Variants in INTS13 observed in about 807,000 individuals in gnomAD.
INTS13 encodes the protein asunder, spermatogenesis regulator homolog (Drosphila).
INTS13 carries 35 observed loss-of-function variants against 90.2 expected under a neutral mutation model. The ratio of observed to expected loss-of-function variants is 0.39; its 90% CI spans 0.30 to 0.51. The LOEUF is 0.51. Ranked by LOEUF, INTS13 falls within the 20% of genes least tolerant of loss-of-function variation. The pLI is 0.80. For missense variants in INTS13, 601 were observed against 851.2 expected, an observed-to-expected ratio of 0.71 and a Z score of 3.66; for synonymous variants, 309 against 277.1, an observed-to-expected ratio of 1.11 and a Z score of -1.14.
chr12:26,906,418 G>A lies in INTS13; in HGVS notation c.1965C>T (p.Ser655=), dbSNP rs1169166437. 2 of 1,609,902 alleles carry A rather than the reference G, an allele frequency of 1.2e-6. No homozygotes were observed. Among genetic ancestry groups the A allele is most frequent in the East Asian group, 2.2e-5 (1 of 44,728 alleles). The part of the protein sequence containing the change: ...EKSKGPVSLL[S]LWSNRINTAN... ...CAGTATTGATTCTATTACTCCACAA[G>A]GATAATAACGACACTGGCCCTAGTG... The change falls in exon 16 of 17, where the codon TCC becomes TCT. Residue 655 remains serine, a synonymous_variant. Coordinates refer to ENST00000261191, the MANE Select transcript of INTS13 (RefSeq NM_018164.3).
In INTS13 at chr12:26,926,317, GAAAGA is replaced by G. The variant is rs1937871960; in HGVS notation, c.585-471_585-467del. 3.3e-5 allele frequency among the ~76,000 whole-genome samples: 5 copies of G among 152,254 alleles called. No individual in the cohort carries two copies. In the South Asian group the frequency reaches 1.0e-3, roughly 32 times the overall value. On this transcript the variant is annotated intron_variant, in intron 5 of 16. Transcript: ENST00000261191. ...AAATTTCCAGACCCACAGGAAAGTTGAAAGAAAAGTACTATTCAATGAACAACGTA... is the reference window on the plus strand; with the variant it reads ...AAATTTCCAGACCCACAGGAAAGTTGAAAGTACTATTCAATGAACAACGTA...
rs778120076 is a variant in INTS13, at chr12:26,936,606, C to T, written c.198G>A (p.Met66Ile). The change falls in exon 2 of 17, where the codon ATG (methionine) becomes ATA (isoleucine). Residue 66 changes from methionine (M) to isoleucine (I), a missense_variant. Around this residue, in one of 3 missense-constraint regions of INTS13, gnomAD observed 284 missense variants for 387.7 expected, o/e 0.73. Coordinates refer to ENST00000261191, the MANE Select transcript of INTS13 (RefSeq NM_018164.3). ...VESSMEYCRI[M>I]YDIFPFKKLV... is the part of the protein sequence containing the mutation. Reference sequence around the variant, plus strand: ...GCTTTTTGAAAGGAAATATATCATACATTATTCTACAATATTCCATGGAAG... The same window carrying T: ...GCTTTTTGAAAGGAAATATATCATATATTATTCTACAATATTCCATGGAAG... 6.8e-6 allele frequency: 11 copies of T among 1,611,668 alleles called. No homozygotes were observed. The highest frequency in any genetic ancestry group is 1.7e-4 in the Middle Eastern group (1 of 6,058).
In INTS13 at chr12:26,925,871, C is replaced by T. The variant is rs776329794; in HGVS notation, c.585-20G>A. On this transcript the variant is annotated intron_variant, in intron 5 of 16. Transcript: ENST00000261191. Reference sequence around the variant, plus strand: ...ATGAGACTTAAAGAGAAATTTTTGACTTAAAATTTAAGAATACATAGTATG... The same window carrying T: ...ATGAGACTTAAAGAGAAATTTTTGATTTAAAATTTAAGAATACATAGTATG... The T allele has an allele frequency of 6.3e-7, 1 of 1,576,174 alleles. No homozygotes were observed. The highest frequency in any genetic ancestry group is 1.1e-5 in the South Asian group (1 of 89,664).
rs374722209 is a variant in INTS13 at position 26,928,554 on chromosome 12, CAAAAAAA to C, written c.503+142_503+148del. ...GGAACACAGCCTCAATATTAAAAGGCAAAAAAAAAAAAAAGAAAAAAATCAGAAAGGC... is the reference window on the plus strand; with the variant it reads ...GGAACACAGCCTCAATATTAAAAGGCAAAAAAAGAAAAAAATCAGAAAGGC... On this transcript the variant is annotated intron_variant, in intron 4 of 16. Transcript: ENST00000261191. The C allele has an allele frequency of 1.2e-5, 7 of 590,770 alleles. No individual in the cohort carries two copies. In the East Asian group the frequency reaches 1.9e-4, roughly 16 times the overall value. 36.6% of individuals were successfully genotyped at this position (590,770 alleles called of 1,614,324 possible). A position where few individuals can be genotyped will look rare whatever the true frequency, so the allele number is the denominator to read the frequency against.
intron 8 of INTS13, among the ~76,000 whole-genome samples, chr12:26,921,875 C>G (rs143059987): frequency 6.6e-6 from 1 of 152,202 alleles, no homozygotes; most frequent in Non-Finnish European, 1.5e-5. Context: ...ACGCTTGTCT[C>G]GAACTCCTGA....
intron 3 of INTS13, among the ~76,000 whole-genome samples, chr12:26,932,476 C>A (rs967627004): frequency 9.9e-5 from 15 of 152,178 alleles, no homozygotes; most frequent in African/African-American, 3.6e-4. Context: ...CCCTACCCCA[C>A]AAGATACAGA....
intron 5 of INTS13, among the ~76,000 whole-genome samples, chr12:26,927,586 A>G (rs1025086887): frequency 4.6e-5 from 7 of 152,140 alleles, no homozygotes; most frequent in African/African-American, 1.7e-4. Flanking sequence ...CACATTTAAC[A>G]ATTTTTTAAA....
chr12:26,931,437 CTG>C (rs1938184916), intron 3 of INTS13, among the ~76,000 whole-genome samples: 1 of 140,804 alleles, frequency 7.1e-6, no homozygotes, highest in Non-Finnish European at 1.5e-5. Context: ...GAGCGAGACT[CTG>C]TCTCAAAATA....
At chr12:26,916,284 C>T (rs537540871) in intron 10 of INTS13, 104 bp from the exon 11 acceptor site, 192 of 1,046,158 alleles carry the variant, frequency 1.8e-4, no homozygotes, top group Non-Finnish European at 2.4e-4. Context: ...TATTGATCCC[C>T]GTATTTTAAC....
At chr12:26,921,301 A>T (rs1046200464) in intron 8 of INTS13, among the ~76,000 whole-genome samples, 3 of 152,164 alleles carry the variant, frequency 2.0e-5, no homozygotes, top group Admixed American at 6.5e-5. Flanking sequence ...ACTAACTTAA[A>T]TTTCAAAATT....
Position 26,913,521 on chromosome 12 carries a change from C to G in INTS13, c.1741G>C (p.Glu581Gln). Residue 581 changes from glutamate to glutamine, a missense_variant, in exon 14 of 17, where the codon GAG becomes CAG. Transcript: ENST00000261191. ...TTCACTGCTTTCTCTGACTTGTCCT[C>G]TTTGTCTTCCCTCTTTCTTCCTCGT... Reference protein sequence around the residue: ...KKRGRKREDKEDKSEKAVKDY... With the variant: ...KKRGRKREDKQDKSEKAVKDY... 1 of 1,614,146 alleles carries G rather than the reference C, an allele frequency of 6.2e-7. No homozygotes were observed. The highest frequency in any genetic ancestry group is 1.3e-5 in the African/African-American group (1 of 75,058).
Position 26,905,437 on chromosome 12 carries a change from T to G in INTS13, c.*60A>C. Reference sequence around the variant, plus strand: ...TACCATCTTGCTGTAAAAGTACTTATATCGAATTCCGCACAAAATATTTTT... The same window carrying G: ...TACCATCTTGCTGTAAAAGTACTTAGATCGAATTCCGCACAAAATATTTTT... On this transcript the variant is annotated 3_prime_UTR_variant, in exon 17 of 17. Coordinates refer to ENST00000261191, the MANE Select transcript of INTS13 (RefSeq NM_018164.3). 1 of 1,497,914 alleles carries G rather than the reference T, an allele frequency of 6.7e-7. No homozygotes were observed. The highest frequency in any genetic ancestry group is 9.2e-7 in the Non-Finnish European group (1 of 1,081,942). The allele number at this position is 1,497,914 out of a possible 1,614,324, so 92.8% of individuals were successfully genotyped here.
At position 26,914,133 on chromosome 12, in the gene INTS13, T is replaced by TA. The variant is rs751938215; in HGVS notation, c.1420-6dup. ...AACACTGGCTAATGGAACTACCTGT[T>TA]AGATTTTTTTTAAAGAAAAAAGAAA... On this transcript the variant is annotated splice_region_variant and splice_polypyrimidine_tract_variant and intron_variant, in intron 12 of 16. Coordinates refer to ENST00000261191, the MANE Select transcript of INTS13 (RefSeq NM_018164.3). 1.9e-6 allele frequency: 3 copies of TA among 1,560,338 alleles called. No homozygotes were observed. Among genetic ancestry groups the TA allele is most frequent in the Non-Finnish European group, 2.6e-6 (3 of 1,162,354 alleles).
intron 2 of INTS13, 124 bp downstream of exon 2, chr12:26,936,455 G>A (rs948710688): frequency 4.3e-6 from 3 of 695,970 alleles, no homozygotes; most frequent in South Asian, 1.9e-5. Flanking sequence ...AAAGGGCAGC[G>A]TTATGTACCA....
intron 3 of INTS13, 64 bp from the exon 4 acceptor site, chr12:26,928,969 A>G (rs998909846): frequency 2.7e-6 from 4 of 1,454,766 alleles, no homozygotes; most frequent in Non-Finnish European, 3.8e-6. Context: ...AAATATCACA[A>G]GAAAGAAAAC....
chr12:26,931,601 G>A (rs1486485538), intron 3 of INTS13, among the ~76,000 whole-genome samples: 2 of 152,072 alleles, frequency 1.3e-5, no homozygotes, highest in Non-Finnish European at 2.9e-5. Flanking sequence ...TTCTCATGTT[G>A]TTCACATTCA....
At chr12:26,920,615 A>G (rs11048774) in intron 8 of INTS13, among the ~76,000 whole-genome samples, 79,310 of 151,704 alleles carry the variant, frequency 0.52, 21,144 homozygotes, top group East Asian at 0.79. Context: ...TGGCCAGGAT[A>G]ATCTCTTGAC....
chr12:26,914,479 C>G lies in INTS13; in HGVS notation c.1348G>C (p.Asp450His). The stretch of plus-strand genomic sequence containing the variant: ...TAACGGGTATGTTTTTCTAACTGAT[C>G]TTTTGCTCGTTCCAAAGGGACCTCA... Reference protein sequence around the residue: ...SLEVPLERAKDQLEKHTRYWP... With the variant: ...SLEVPLERAKHQLEKHTRYWP... The change falls in exon 12 of 17, where the codon GAT becomes CAT. Residue 450 changes from aspartate (D) to histidine (H), a missense_variant. By Grantham distance (81) the Asp-to-His change is moderately conservative. Transcript: ENST00000261191. The G allele has an allele frequency of 6.2e-7, 1 of 1,613,904 alleles. No homozygotes were observed. The highest frequency in any genetic ancestry group is 8.5e-7 in the Non-Finnish European group (1 of 1,179,908).
intron 8 of INTS13, among the ~76,000 whole-genome samples, chr12:26,921,190 C>T (rs1471662483): frequency 6.6e-6 from 1 of 152,206 alleles, no homozygotes; most frequent in Non-Finnish European, 1.5e-5. Context: ...AACTTATCTC[C>T]TAACTCCAGA....
Sources: gnomAD v4.1 joint callset for allele counts (sites outside exome capture counted in the v4.1 genomes callset) on GRCh38, gnomAD v4.1.1 for gene constraint, gnomAD v4.1.1 regional missense constraint, MANE v1.5 for transcripts, NCBI Gene and HGNC (gene_info 2026-07-23, HGNC 2026-07-21) for gene names.